CLCN6: variants seen among roughly 807,000 people sequenced by gnomAD.
The protein encoded by CLCN6 is H(+)/Cl(-) exchange transporter 6.
CLCN6 carries 70 observed loss-of-function variants against 109.8 expected under a neutral mutation model. That is an observed-to-expected ratio of 0.64 (90% CI 0.53 to 0.78). The LOEUF (loss-of-function observed/expected upper bound fraction) is 0.78. Among genes scored for constraint, CLCN6 ranks in the 30% least tolerant of loss-of-function variants. The pLI, the probability that CLCN6 is intolerant of heterozygous loss-of-function variation, is 0.00. For synonymous variants in CLCN6, 444 were observed against 447.8 expected (o/e 0.99, Z 0.11); for missense variants, 984 against 1,142.3 (o/e 0.86, Z 2.00).
chr1:11,810,869 C>T (rs1644589729), intron 2 of CLCN6, among the ~76,000 whole-genome samples: 1 of 152,092 alleles, frequency 6.6e-6, no homozygotes, highest in African/African-American at 2.4e-5. Flanking sequence ...AGTTCAAGAC[C>T]ATCCTGGGCA....
rs1644905534 is a variant in CLCN6, at chr1:11,833,543, A to G, written c.1277A>G (p.Lys426Arg). 1 of 1,614,002 alleles carries G rather than the reference A, an allele frequency of 6.2e-7. No homozygotes were observed. Among genetic ancestry groups the G allele is most frequent in the Non-Finnish European group, 8.5e-7 (1 of 1,179,928 alleles). Residue 426 changes from lysine to arginine, a missense_variant, in exon 14 of 23, where the codon AAG (lysine) becomes AGG (arginine). Physicochemically the swap from Lys to Arg is conservative, Grantham distance 26. Coordinates refer to ENST00000346436, the MANE Select transcript of CLCN6 (RefSeq NM_001286.5). ...QVTEDVNSSI[K>R]TFFCPNDTYN... ...ACAGAAGATGTGAATTCAAGTATCA[A>G]GACATTTTTTTGTCCCAATGATACC... is the stretch of plus-strand genomic sequence containing the variant.
chr1:11,813,505 C>T (rs1644629994), intron 2 of CLCN6, among the ~76,000 whole-genome samples: 1 of 152,068 alleles, frequency 6.6e-6, no homozygotes, highest in Non-Finnish European at 1.5e-5. Flanking sequence ...ATTCTCCTGC[C>T]TCAGCCACCC....
At chr1:11,819,342 C>G (rs1644712007) in intron 4 of CLCN6, 146 bp from the exon 5 acceptor site, 2 of 729,428 alleles carry the variant, frequency 2.7e-6, no homozygotes, top group Non-Finnish European at 5.0e-6. Flanking sequence ...CTGCGCTTTT[C>G]TGCTGTGCAT....
chr1:11,836,064 C>G lies in CLCN6; in HGVS notation c.1891C>G (p.His631Asp). 10 of 1,614,086 alleles carry G rather than the reference C, an allele frequency of 6.2e-6. No individual in the cohort carries two copies. The highest frequency in any genetic ancestry group is 7.6e-6 in the Non-Finnish European group (9 of 1,179,982). ...LVSILRTTVHHAFPVVTENRG... is the reference protein window; with the variant it reads ...LVSILRTTVHDAFPVVTENRG... ...GAGCATCCTGCGCACCACGGTCCAC[C>G]ATGCCTTCCCGGTGGTCACAGAGAA... is the stretch of plus-strand genomic sequence containing the variant. Residue 631 changes from histidine (H) to aspartate (D), a missense_variant, in exon 18 of 23, where the codon CAT becomes GAT. Coordinates refer to ENST00000346436, the MANE Select transcript of CLCN6 (RefSeq NM_001286.5).
intron 4 of CLCN6, among the ~76,000 whole-genome samples, chr1:11,818,807 G>A (rs937011941): frequency 6.6e-6 from 1 of 152,180 alleles, no homozygotes; most frequent in African/African-American, 2.4e-5. Flanking sequence ...ACAGTGGGGT[G>A]TGCCTGTAAT....
At position 11,841,327 on chromosome 1, in the gene CLCN6, G is replaced by A. The variant is rs1036201572; in HGVS notation, c.*1104G>A. ...TTACATACAGAGGCCCTTCAGGAGG[G>A]CCTCCTGTGCCGCAGGGAGGGTGCG... is the stretch of plus-strand genomic sequence containing the variant. On this transcript the variant is annotated 3_prime_UTR_variant, in exon 23 of 23. Coordinates refer to ENST00000346436, the MANE Select transcript of CLCN6 (RefSeq NM_001286.5). 1 of 152,642 alleles carries A rather than the reference G, an allele frequency of 6.6e-6. No individual in the cohort carries two copies. Among genetic ancestry groups the A allele is most frequent in the Non-Finnish European group, 1.5e-5 (1 of 68,044 alleles). The allele number at this position is 152,642 out of a possible 1,614,324, so 9.5% of individuals were successfully genotyped here.
chr1:11,823,908 A>G lies in CLCN6; in HGVS notation c.580+75A>G. 6 of 1,584,780 alleles carry G rather than the reference A, an allele frequency of 3.8e-6. No homozygotes were observed. In the South Asian group the frequency reaches 5.7e-5, roughly 15 times the overall value. On this transcript the variant is annotated intron_variant, in intron 7 of 22. Transcript: ENST00000346436. ...ACAAGAAGCATGATGTATTTCAGTT[A>G]TTAGATTTGGACTGCAGGGCCCAGC...
At chr1:11,826,256 A>G in intron 9 of CLCN6, 42 bp downstream of exon 9, 2 of 1,498,020 alleles carry the variant, frequency 1.3e-6, no homozygotes, top group East Asian at 2.3e-5. Flanking sequence ...TGGAAACAAC[A>G]TGTTCATGCG....
At chr1:11,838,889 C>T (rs1357258695) in intron 22 of CLCN6, 8 of 726,150 alleles carry the variant, frequency 1.1e-5, no homozygotes, top group Admixed American at 4.0e-5. Flanking sequence ...CAGCCAGAGC[C>T]GCGCCTCTAC....
chr1:11,806,874 G>T, intron 1 of CLCN6: 1 of 445,472 alleles, frequency 2.2e-6, no homozygotes, highest in East Asian at 3.6e-5. Context: ...TTCAGCTGGC[G>T]TTGGACATCT....
intron 9 of CLCN6, 135 bp from the exon 10 acceptor site, chr1:11,826,954 C>G: frequency 9.0e-7 from 1 of 1,110,348 alleles, no homozygotes; most frequent in Non-Finnish European, 1.3e-6. Flanking sequence ...GCTGCCTCAC[C>G]AGTGACCTGC....
rs1644715782 is a variant in CLCN6 at position 11,819,549 on chromosome 1, A to C, written c.341A>C (p.Gln114Pro). 6.2e-7 allele frequency: 1 copy of C among 1,614,032 alleles called. No homozygotes were observed. Among genetic ancestry groups the C allele is most frequent in the African/African-American group, 1.3e-5 (1 of 74,920 alleles). The change falls in exon 5 of 23, where the codon CAG (glutamine) becomes CCG (proline). Residue 114 changes from glutamine to proline, a missense_variant. Transcript: ENST00000346436. ...ACCCAACTCAAGTTCGGAGTGGTAC[A>C]GACATGTATCCTTTTCACGGTTCCT... ...LFTQLKFGVV[Q>P]TSVEECSQKG...
intron 6 of CLCN6, 78 bp downstream of exon 6, chr1:11,822,879 TG>T: frequency 1.1e-6 from 1 of 921,182 alleles, no homozygotes; most frequent in Non-Finnish European, 1.8e-6. Context: ...CCTTCCAGAA[TG>T]TCAGGAAACT....
intron 2 of CLCN6, among the ~76,000 whole-genome samples, chr1:11,814,960 G>A (rs1644650415): frequency 1.3e-5 from 2 of 151,776 alleles, no homozygotes; most frequent in African/African-American, 4.8e-5. Flanking sequence ...GTGAACCCGG[G>A]AGGCGGAGCT....
At chr1:11,807,654 T>TA (rs1219946485) in intron 2 of CLCN6, among the ~76,000 whole-genome samples, 1 of 152,246 alleles carries the variant, frequency 6.6e-6, no homozygotes, top group African/African-American at 2.4e-5. Flanking sequence ...ATGGGATTCT[T>TA]AGAGTATGTG....
Position 11,824,105 on chromosome 1 carries a change from CA to C in CLCN6, c.580+273del, listed in dbSNP as rs557680068. On this transcript the variant is annotated intron_variant, in intron 7 of 22. Transcript: ENST00000346436. ...TTAGCAAGCTTTTTGTGTCAACAGC[CA>C]GATAGTAAATATTTAAGGCTTTGTG... 4.5e-4 allele frequency among the ~76,000 whole-genome samples: 68 copies of C among 152,300 alleles called. No homozygotes were observed. The East Asian group carries it at 0.012, about 28-fold the overall frequency.
At chr1:11,831,071 G>T (rs1363638086) in intron 13 of CLCN6, among the ~76,000 whole-genome samples, 1 of 151,906 alleles carries the variant, frequency 6.6e-6, no homozygotes, top group Non-Finnish European at 1.5e-5. Context: ...GACCTCAAGT[G>T]ATCCACCCAT....
At chr1:11,826,665 A>G (rs897007528) in intron 9 of CLCN6, among the ~76,000 whole-genome samples, 10 of 152,078 alleles carry the variant, frequency 6.6e-5, no homozygotes, top group African/African-American at 2.4e-4. Flanking sequence ...GTCACGGACC[A>G]CCTTCTTTTT....
At chr1:11,824,714 C>G (rs1644790107) in intron 8 of CLCN6, among the ~76,000 whole-genome samples, 161 bp downstream of exon 8, 1 of 152,178 alleles carries the variant, frequency 6.6e-6, no homozygotes, top group African/African-American at 2.4e-5. Flanking sequence ...AAGGGCATAA[C>G]TTATACTTGG....
Sources: allele counts gnomAD v4.1 joint callset (sites outside exome capture counted in the v4.1 genomes callset), GRCh38; gene constraint gnomAD v4.1.1; transcripts MANE v1.5; gene names NCBI Gene and HGNC (gene_info 2026-07-23, HGNC 2026-07-21).